Variants in PABPN1L observed in about 807,000 individuals in gnomAD.
The protein encoded by PABPN1L is embryonic polyadenylate-binding protein 2.
PABPN1L carries 45 observed loss-of-function variants against 34.0 expected under a neutral mutation model. That is an observed-to-expected ratio of 1.32 (90% CI 1.04 to 1.70). PABPN1L has a LOEUF of 1.70. Among genes scored for constraint, PABPN1L ranks in the 40% most tolerant of loss-of-function variants. PABPN1L has a pLI of 0.00. For synonymous variants in PABPN1L, 182 were observed against 152.1 expected, an observed-to-expected ratio of 1.20 and a Z score of -1.45; for missense variants, 459 against 367.8, an observed-to-expected ratio of 1.25 and a Z score of -2.03.
intron 5 of PABPN1L, 79 bp from the exon 6 acceptor site, chr16:88,864,458 C>G (rs1327296841): frequency 6.8e-7 from 1 of 1,477,448 alleles, no homozygotes; most frequent in Non-Finnish European, 9.0e-7. Flanking sequence ...CCCCACCACC[C>G]CGGAGCATGG....
chr16:88,866,390 C>G (rs765643269), exon 1 of PABPN1L: 1 of 1,551,014 alleles, frequency 6.4e-7, no homozygotes, highest in South Asian at 1.2e-5. Context: ...TTCTCTTGCT[C>G]CAGCAGAGAC....
At chr16:88,863,461 G>A in exon 7 of PABPN1L, 1 of 550,150 alleles carries the variant, frequency 1.8e-6, no homozygotes, top group Non-Finnish European at 3.3e-6. Flanking sequence ...GGCACTGCCT[G>A]GGACTCTGCT....
At chr16:88,869,836 G>T (rs1399345791), upstream of PABPN1L, among the ~76,000 whole-genome samples, 2 of 152,238 alleles carry the variant, frequency 1.3e-5, no homozygotes, top group African/African-American at 4.8e-5. Context: ...CAGGGCTCCT[G>T]CCAGCTGCCT....
chr16:88,867,032 G>C (rs1420999598), upstream of PABPN1L, among the ~76,000 whole-genome samples: 3 of 152,188 alleles, frequency 2.0e-5, no homozygotes, highest in African/African-American at 7.2e-5. Context: ...AAGCAGGCTG[G>C]AGAGGTGGCT....
upstream of PABPN1L, among the ~76,000 whole-genome samples, chr16:88,866,976 G>T (rs151060639): frequency 3.7e-4 from 56 of 152,338 alleles, no homozygotes; most frequent in Non-Finnish European, 7.1e-4. Context: ...ATGAACACTC[G>T]ATCTAAGTGG....
At chr16:88,863,993 C>T (rs867680356) in intron 6 of PABPN1L, among the ~76,000 whole-genome samples, 198 bp from the exon 7 acceptor site, 15 of 152,288 alleles carry the variant, frequency 9.8e-5, no homozygotes, top group African/African-American at 3.4e-4. Context: ...CAGGAGAGCC[C>T]CTTGGGGCAG....
rs761049152 is a variant in PABPN1L at position 88,863,711 on chromosome 16, T to C, written c.*45A>G. On this transcript the variant is annotated 3_prime_UTR_variant, in exon 7 of 7. Transcript: ENST00000419291. ...CCAGGATGGAGCACAAGTGGTTTAC[T>C]CCTGATCCAGGCCCCAGCCCCTCTC... The C allele has an allele frequency of 3.9e-6, 6 of 1,533,278 alleles. No homozygotes were observed. In the South Asian group the frequency reaches 6.0e-5, roughly 15 times the overall value. 95.0% of individuals were successfully genotyped at this position (1,533,278 alleles called of 1,614,324 possible). A position where few individuals can be genotyped will look rare whatever the true frequency, so the allele number is the denominator to read the frequency against.
chr16:88,863,641 C>A (rs776262027), exon 7 of PABPN1L: 736 of 1,321,262 alleles, frequency 5.6e-4, no homozygotes, highest in Non-Finnish European at 7.1e-4. Flanking sequence ...GCTCTGGACA[C>A]CCCTCTCCTC....
intron 3 of PABPN1L, 26 bp from the exon 4 acceptor site, chr16:88,865,154 T>G (rs757665230): frequency 6.4e-7 from 1 of 1,551,646 alleles, no homozygotes; most frequent in Admixed American, 1.9e-5. Context: ...GACCAGCATG[T>G]GAGGGAGACG....
chr16:88,869,650 A>G (rs773590370), upstream of PABPN1L, among the ~76,000 whole-genome samples: 41 of 152,230 alleles, frequency 2.7e-4, no homozygotes, highest in Admixed American at 3.9e-4. Context: ...AGGGTCTGCC[A>G]GCACCCGTGC....
rs1968593198 is a variant in PABPN1L, at chr16:88,866,346, T to G, written c.255+6A>C. On this transcript the variant is annotated splice_donor_region_variant and intron_variant, in intron 1 of 6. Coordinates refer to ENST00000419291, the Ensembl canonical transcript of PABPN1L. ...GAGATCCCCAGGGCCTCCACACAGCTGTTACCTGGTCAGGCAATGGGCACT... is the reference window on the plus strand; with the variant it reads ...GAGATCCCCAGGGCCTCCACACAGCGGTTACCTGGTCAGGCAATGGGCACT... 1.3e-6 allele frequency: 2 copies of G among 1,548,696 alleles called. No homozygotes were observed. Among genetic ancestry groups the G allele is most frequent in the Non-Finnish European group, 1.7e-6 (2 of 1,146,718 alleles).
chr16:88,865,526 A>G, intron 3 of PABPN1L, 37 bp downstream of exon 3: 1 of 1,593,836 alleles, frequency 6.3e-7, no homozygotes, highest in Non-Finnish European at 8.5e-7. Context: ...ATGGGGCCCC[A>G]TTCGCTGCCT....
At position 88,863,913 on chromosome 16, in the gene PABPN1L, G is replaced by A. The variant is rs181748122; in HGVS notation, c.798-118C>T. On this transcript the variant is annotated intron_variant, in intron 6 of 6. Transcript: ENST00000419291. ...GAGGTCACCTGGCTGCTCAGGCAAT[G>A]CCCCAGGGGCCTTTCTGGTGACTCC... 1.3e-4 allele frequency: 139 copies of A among 1,054,162 alleles called. No individual in the cohort carries two copies. In the East Asian group the frequency reaches 3.0e-3, roughly 23 times the overall value. 65.3% of individuals were successfully genotyped at this position (1,054,162 alleles called of 1,614,324 possible).
exon 7 of PABPN1L, chr16:88,863,604 C>A: frequency 4.0e-6 from 4 of 988,996 alleles, no homozygotes; most frequent in Non-Finnish European, 4.6e-6. Flanking sequence ...ACTGGGCCAT[C>A]CCCCCGCCAA....
exon 4 of PABPN1L, chr16:88,865,066 G>A: frequency 6.3e-7 from 1 of 1,597,378 alleles, no homozygotes; most frequent in Non-Finnish European, 8.5e-7. Context: ...TCGTGACTCG[G>A]TGGACCTCCC....
upstream of PABPN1L, among the ~76,000 whole-genome samples, chr16:88,868,378 G>A (rs775879432): frequency 2.6e-5 from 4 of 152,112 alleles, no homozygotes; most frequent in Non-Finnish European, 5.9e-5. Flanking sequence ...CGAGGTGAGC[G>A]GATCACTTAA....
chr16:88,864,863 C>T lies in PABPN1L; in HGVS notation c.644G>A (p.Arg215Gln), dbSNP rs752321965. Residue 215 changes from arginine to glutamine, a missense_variant, in exon 5 of 7, where the codon CGG becomes CAG. Coordinates refer to ENST00000419291, the Ensembl canonical transcript of PABPN1L. ...GGAGCACCGGCGCACCTTGATGACC[C>T]GGCCCCGGAAGAGGCTCTGGTCCAG... 26 of 1,608,398 alleles carry T rather than the reference C, an allele frequency of 1.6e-5. No individual in the cohort carries two copies. Among genetic ancestry groups the T allele is most frequent in the South Asian group, 1.2e-4 (11 of 90,068 alleles).
At chr16:88,867,917 C>T (rs1192997270), upstream of PABPN1L, among the ~76,000 whole-genome samples, 2 of 152,230 alleles carry the variant, frequency 1.3e-5, no homozygotes, top group East Asian at 1.9e-4. Context: ...TGCACAGCTC[C>T]TACCCCCAGG....
intron 3 of PABPN1L, 37 bp from the exon 4 acceptor site, chr16:88,865,165 C>G: frequency 6.5e-7 from 1 of 1,545,460 alleles, no homozygotes; most frequent in Non-Finnish European, 8.7e-7. Flanking sequence ...GAGGGAGACG[C>G]CTGGCCCTGA....
Sources: gnomAD v4.1 joint callset for allele counts (sites outside exome capture counted in the v4.1 genomes callset) on GRCh38, gnomAD v4.1.1 for gene constraint, MANE v1.5 for transcripts, NCBI Gene and HGNC (gene_info 2026-07-23, HGNC 2026-07-21) for gene names.